Variants in FAM186A observed in about 807,000 individuals in gnomAD.
FAM186A encodes family with sequence similarity 186 member A.
A neutral mutation model predicts 216.8 loss-of-function variants in FAM186A; 163 were observed. The observed-to-expected ratio is 0.75, with a 90% CI of 0.66 to 0.86. The LOEUF is 0.86. Ranked by LOEUF, FAM186A falls within the 40% of genes least tolerant of loss-of-function variation. The pLI, the probability that FAM186A is intolerant of heterozygous loss-of-function variation, is 0.00. For missense variants in FAM186A, 2,184 were observed against 2,746.2 expected (o/e 0.80, Z 4.58); for synonymous variants, 805 against 1,025.3 (o/e 0.79, Z 4.10).
intron 4 of FAM186A, among the ~76,000 whole-genome samples, chr12:50,340,212 C>T (rs1942749151): frequency 6.6e-6 from 1 of 152,070 alleles, no homozygotes; most frequent in Admixed American, 6.6e-5. Context: ...ACCTAACTCC[C>T]GCCTCTCCTC....
At chr12:50,358,987 C>CA (rs1049388058) in intron 3 of FAM186A, among the ~76,000 whole-genome samples, 2 of 151,234 alleles carry the variant, frequency 1.3e-5, no homozygotes, top group Non-Finnish European at 2.9e-5. Context: ...GATATTTCAC[C>CA]AAAAAATGTA....
At chr12:50,363,740 G>T (rs1943059128) in intron 1 of FAM186A, among the ~76,000 whole-genome samples, 1 of 144,722 alleles carries the variant, frequency 6.9e-6, no homozygotes, top group African/African-American at 2.6e-5. Flanking sequence ...TTGTGAAAGT[G>T]CTTTATAAGC....
intron 1 of FAM186A, among the ~76,000 whole-genome samples, chr12:50,379,475 A>AC (rs1199563191): frequency 0.056 from 591 of 10,496 alleles, 12 homozygotes; most frequent in African/African-American, 0.062. Context: ...GGGAAAAACA[A>AC]AAACAAAAAC....
At chr12:50,366,936 C>T (rs1440835227) in intron 1 of FAM186A, among the ~76,000 whole-genome samples, 2 of 152,040 alleles carry the variant, frequency 1.3e-5, no homozygotes, top group Non-Finnish European at 2.9e-5. Context: ...ATTACTTGAA[C>T]CTGGGAGGTC....
rs1378269351 is a variant in FAM186A, at chr12:50,353,666, A to G, written c.3166T>C (p.Tyr1056His). ...ATAGGAAGAGCTCCAGGCAGGGAGTATTGTAGGGAGGGGGGAGGTGTGATT... is the reference window on the plus strand; with the variant it reads ...ATAGGAAGAGCTCCAGGCAGGGAGTGTTGTAGGGAGGGGGGAGGTGTGATT... ...ISITPPPSLQ[Y>H]SLPGALPISG... The change falls in exon 4 of 8, where the codon TAC becomes CAC. Residue 1056 changes from tyrosine (Y) to histidine (H), a missense_variant. This residue lies in a region of FAM186A where 1,132 missense variants were observed against 1,263.4 expected (regional missense o/e 0.90). Transcript: ENST00000327337. 1 of 1,538,444 alleles carries G rather than the reference A, an allele frequency of 6.5e-7. No homozygotes were observed. Among genetic ancestry groups the G allele is most frequent in the South Asian group, 1.2e-5 (1 of 81,346 alleles).
chr12:50,355,369 G>A lies in FAM186A; in HGVS notation c.1463C>T (p.Ala488Val). The A allele has an allele frequency of 6.4e-7, 1 of 1,551,164 alleles. No homozygotes were observed. Among genetic ancestry groups the A allele is most frequent in the Non-Finnish European group, 8.7e-7 (1 of 1,146,944 alleles). ...TAGCTCATAGTATTGACTAGGTTTG[G>A]CCTCTGAGACTTTCTGTCCACTTTT... ...DNKSGQKVSE[A>V]KPSQYYELQV... Residue 488 changes from alanine (A) to valine (V), a missense_variant, in exon 4 of 8, where the codon GCC becomes GTC. By Grantham distance (64) the Ala-to-Val change is moderately conservative. This residue lies in a region of FAM186A where 1,132 missense variants were observed against 1,263.4 expected (regional missense o/e 0.90). Coordinates refer to ENST00000327337, the MANE Select transcript of FAM186A (RefSeq NM_001145475.3).
intron 1 of FAM186A, among the ~76,000 whole-genome samples, chr12:50,377,790 G>A (rs556609239): frequency 1.0e-4 from 15 of 148,724 alleles, no homozygotes; most frequent in African/African-American, 3.0e-4. Flanking sequence ...AGCCAAGATC[G>A]TGCCACTTCA....
chr12:50,393,394 G>A (rs79637932), intron 1 of FAM186A, among the ~76,000 whole-genome samples: 1 of 151,014 alleles, frequency 6.6e-6, no homozygotes, highest in Non-Finnish European at 1.5e-5. Context: ...AAAATCAACC[G>A]GGCATGACGG....
At chr12:50,366,078 A>G (rs1395676880) in intron 1 of FAM186A, 7 of 720,362 alleles carry the variant, frequency 9.7e-6, no homozygotes, top group Non-Finnish European at 1.5e-5. Flanking sequence ...AATTGAGAAG[A>G]TGTAGGAATA....
At chr12:50,384,268 C>G (rs1371335325) in intron 1 of FAM186A, among the ~76,000 whole-genome samples, 1 of 151,648 alleles carries the variant, frequency 6.6e-6, no homozygotes, top group East Asian at 1.9e-4. Flanking sequence ...GACCCTGTCT[C>G]TACAAAAATT....
In FAM186A at chr12:50,355,956, A is replaced by G. The variant is rs1231059907; in HGVS notation, c.876T>C (p.His292=). ...GCTCCTTTTCTGCTTCACTTGTCTCATGTGCATACACAGTGGAACTTTGGA... is the reference window on the plus strand; with the variant it reads ...GCTCCTTTTCTGCTTCACTTGTCTCGTGTGCATACACAGTGGAACTTTGGA... ...VNFQSSTVYA[H]ETSEAEKELS... is the part of the protein sequence containing the mutation. The change falls in exon 4 of 8, where the codon CAT becomes CAC. Residue 292 remains histidine (H), a synonymous_variant. Coordinates refer to ENST00000327337, the MANE Select transcript of FAM186A (RefSeq NM_001145475.3). 6.4e-7 allele frequency: 1 copy of G among 1,550,864 alleles called. No homozygotes were observed. Among genetic ancestry groups the G allele is most frequent in the Non-Finnish European group, 8.7e-7 (1 of 1,146,978 alleles).
chr12:50,328,114 T>C (rs1192290253), intron 7 of FAM186A, among the ~76,000 whole-genome samples: 1 of 152,216 alleles, frequency 6.6e-6, no homozygotes, highest in Non-Finnish European at 1.5e-5. Flanking sequence ...GGAAAATAAT[T>C]ATATAAATAT....
Position 50,351,489 on chromosome 12 carries a change from C to T in FAM186A, c.5343G>A (p.Gly1781=). 6.7e-7 allele frequency: 1 copy of T among 1,487,168 alleles called. No homozygotes were observed. The highest frequency in any genetic ancestry group is 8.9e-7 in the Non-Finnish European group (1 of 1,121,054). The allele number at this position is 1,487,168 out of a possible 1,614,324, so 92.1% of individuals were successfully genotyped here. A position where few individuals can be genotyped will look rare whatever the true frequency, so the allele number is the denominator to read the frequency against. Reference sequence around the variant, plus strand: ...CAAGCTTCCCAGGCTCAGAAAGAATCCCCATTTCTAGGGGCTTCCCAGGGG... The same window carrying T: ...CAAGCTTCCCAGGCTCAGAAAGAATTCCCATTTCTAGGGGCTTCCCAGGGG... ...PFAPGKPLEM[G]ILSEPGKLGA... is the part of the protein sequence containing the mutation. Residue 1781 remains glycine, a synonymous_variant, in exon 4 of 8, where the codon GGG becomes GGA. Coordinates refer to ENST00000327337, the MANE Select transcript of FAM186A (RefSeq NM_001145475.3).
chr12:50,368,173 A>G (rs762828217), intron 1 of FAM186A, among the ~76,000 whole-genome samples: 5 of 151,322 alleles, frequency 3.3e-5, no homozygotes, highest in Non-Finnish European at 7.4e-5. Context: ...AGGCCGAGAC[A>G]GGTGGATCAC....
chr12:50,380,737 G>A (rs567820423), intron 1 of FAM186A, among the ~76,000 whole-genome samples: 7 of 151,438 alleles, frequency 4.6e-5, no homozygotes, highest in East Asian at 1.9e-4. Context: ...TTGGGGTGTC[G>A]CTTTTCTGGC....
At chr12:50,367,411 G>A (rs574155766) in intron 1 of FAM186A, among the ~76,000 whole-genome samples, 3 of 150,974 alleles carry the variant, frequency 2.0e-5, no homozygotes, top group South Asian at 4.2e-4. Flanking sequence ...CCAGCTACTC[G>A]GGAGGCTGAG....
intron 4 of FAM186A, 147 bp from the exon 5 acceptor site, chr12:50,334,250 CA>C: frequency 3.0e-6 from 2 of 661,386 alleles, no homozygotes; most frequent in Non-Finnish European, 4.9e-6. Context: ...TGGCTTATTG[CA>C]ACCTCCACCT....
chr12:50,345,359 G>A (rs1026792092), intron 4 of FAM186A, among the ~76,000 whole-genome samples: 4 of 152,032 alleles, frequency 2.6e-5, no homozygotes, highest in Admixed American at 2.6e-4. Context: ...AGGTGAGATC[G>A]TGCCACTGCC....
Position 50,355,652 on chromosome 12 carries a change from T to C in FAM186A, c.1180A>G (p.Thr394Ala). Residue 394 changes from threonine to alanine, a missense_variant, in exon 4 of 8, where the codon ACC (threonine) becomes GCC (alanine). Around this residue, in one of 7 missense-constraint regions of FAM186A, gnomAD observed 1,132 missense variants for 1,263.4 expected, o/e 0.90. Transcript: ENST00000327337. ...TCCCATTTTATCCCAGAGTCCTTGG[T>C]CTCTTTTCTTTGGACTTCATCTACA... Reference protein sequence around the residue: ...NIVDEVQRKETKDSGIKWDST... With the variant: ...NIVDEVQRKEAKDSGIKWDST... The C allele has an allele frequency of 1.3e-6, 2 of 1,551,124 alleles. No individual in the cohort carries two copies. Among genetic ancestry groups the C allele is most frequent in the Non-Finnish European group, 1.7e-6 (2 of 1,146,914 alleles).
Sources: gnomAD v4.1 joint callset for allele counts (sites outside exome capture counted in the v4.1 genomes callset) on GRCh38, gnomAD v4.1.1 for gene constraint, gnomAD v4.1.1 regional missense constraint, MANE v1.5 for transcripts, NCBI Gene and HGNC (gene_info 2026-07-23, HGNC 2026-07-21) for gene names.